Variants in KIRREL3 observed in about 807,000 individuals in gnomAD.
KIRREL3 encodes kin of IRRE-like protein 3.
In KIRREL3, 36 loss-of-function variants were observed where a neutral mutation model predicts 89.7. The ratio of observed to expected loss-of-function variants is 0.40; its 90% CI spans 0.31 to 0.53. The LOEUF is 0.53. Among genes scored for constraint, KIRREL3 ranks in the 20% least tolerant of loss-of-function variants. KIRREL3 has a pLI of 0.49. For synonymous variants in KIRREL3, 445 were observed against 441.4 expected, an observed-to-expected ratio of 1.01 and a Z score of -0.10; for missense variants, 864 against 1,056.6, an observed-to-expected ratio of 0.82 and a Z score of 2.53.
Position 126,587,187 on chromosome 11 carries a change from G to A in KIRREL3, c.56-24275C>T, listed in dbSNP as rs1443736998. 6.6e-6 allele frequency among the ~76,000 whole-genome samples: 1 copy of A among 152,072 alleles called. No individual in the cohort carries two copies. Among genetic ancestry groups the A allele is most frequent in the African/African-American group, 2.4e-5 (1 of 41,412 alleles). On this transcript the variant is annotated intron_variant, in intron 1 of 16. Transcript: ENST00000525144. This position sits in a 1 kb window ranked among gnomAD's most constrained non-coding sequence, Gnocchi z 5.2. ...TGGCAGTTCTTGGAAAATGTCCACT[G>A]GGGACATGACATCCAAGCTGAAACC...
rs1043709472 is a variant in KIRREL3, at chr11:126,985,482, T to C, written c.55+14973A>G. Among the ~76,000 whole-genome samples the C allele has an allele frequency of 9.9e-5, 15 of 151,990 alleles. No homozygotes were observed. The highest frequency in any genetic ancestry group is 3.4e-4 in the African/African-American group (14 of 41,366). On this transcript the variant is annotated intron_variant, in intron 1 of 16. Transcript: ENST00000525144. The surrounding 1 kb of genome is among the most constrained non-coding windows in gnomAD (Gnocchi z 5.3). ...GCTGTGGAATAAGGAAGGAAGGGCA[T>C]TTAAATTAGATTGTGGGGAGAGAGG... is the stretch of plus-strand genomic sequence containing the variant.
Position 126,476,468 on chromosome 11 carries a change from A to G in KIRREL3, c.434-3002T>C, listed in dbSNP as rs1184366761. Among the ~76,000 whole-genome samples, 2 of 152,212 alleles carry G rather than the reference A, an allele frequency of 1.3e-5. No individual in the cohort carries two copies. On this transcript the variant is annotated intron_variant, in intron 4 of 16. Coordinates refer to ENST00000525144, the MANE Select transcript of KIRREL3 (RefSeq NM_032531.4). The surrounding 1 kb of genome is among the most constrained non-coding windows in gnomAD (Gnocchi z 6.4). ...GTTACTGGAATATCGGATTAGAGGC[A>G]GCGAGGACGAGGGAGGAGGGAGTGG...
chr11:126,472,727 A>AGAGAGAGAGAGAG (rs1215109315), intron 5 of KIRREL3, among the ~76,000 whole-genome samples: 60 of 152,062 alleles, frequency 3.9e-4, no homozygotes, highest in African/African-American at 1.4e-3. Context: ...AGAGAGAGAG[A>AGAGAGAGAGAGAG]GAGAGCACAA....
rs1944070085 is a variant in KIRREL3, at chr11:126,844,438, G to T, written c.55+156017C>A. On this transcript the variant is annotated intron_variant, in intron 1 of 16. Coordinates refer to ENST00000525144, the MANE Select transcript of KIRREL3 (RefSeq NM_032531.4). The surrounding 1 kb of genome is among the most constrained non-coding windows in gnomAD (Gnocchi z 4.8). ...ATACTGAGGAGACCTCCAACCCAAA[G>T]GAAATAGACTGCAGCACTGATTGGC... is the stretch of plus-strand genomic sequence containing the variant. Among the ~76,000 whole-genome samples, 1 of 152,162 alleles carries T rather than the reference G, an allele frequency of 6.6e-6. No individual in the cohort carries two copies. The highest frequency in any genetic ancestry group is 1.5e-5 in the Non-Finnish European group (1 of 68,034).
Position 126,689,219 on chromosome 11 carries a change from GA to G in KIRREL3, c.56-126308del, listed in dbSNP as rs1272500482. Among the ~76,000 whole-genome samples, 1 of 152,194 alleles carries G rather than the reference GA, an allele frequency of 6.6e-6. No individual in the cohort carries two copies. Among genetic ancestry groups the G allele is most frequent in the Non-Finnish European group, 1.5e-5 (1 of 68,026 alleles). On this transcript the variant is annotated intron_variant, in intron 1 of 16. Coordinates refer to ENST00000525144, the MANE Select transcript of KIRREL3 (RefSeq NM_032531.4). This position sits in a 1 kb window ranked among gnomAD's most constrained non-coding sequence, Gnocchi z 5.2. Reference sequence around the variant, plus strand: ...TAGAAAGAATCCTGGAAATAGTTAAGAAAGACGATTTTCCAATGGCCAATAC... The same window carrying G: ...TAGAAAGAATCCTGGAAATAGTTAAGAAGACGATTTTCCAATGGCCAATAC...
At chr11:126,465,989 G>A (rs965334282) in intron 5 of KIRREL3, among the ~76,000 whole-genome samples, 12 of 152,168 alleles carry the variant, frequency 7.9e-5, no homozygotes, top group Non-Finnish European at 1.5e-4. Flanking sequence ...TTACATTTCC[G>A]TTGTGCTAAC....
In KIRREL3 at chr11:126,495,075, G is replaced by C. The variant is rs1314144522; in HGVS notation, c.434-21609C>G. On this transcript the variant is annotated intron_variant, in intron 4 of 16. Transcript: ENST00000525144. This position sits in a 1 kb window ranked among gnomAD's most constrained non-coding sequence, Gnocchi z 6.5. The stretch of plus-strand genomic sequence containing the variant: ...AATTCCAGTGGGCACTGAGCACTTA[G>C]CTGGCCCCTCTTAGGCCCTGACCTC... Among the ~76,000 whole-genome samples the C allele has an allele frequency of 6.6e-6, 1 of 152,184 alleles. No homozygotes were observed. The highest frequency in any genetic ancestry group is 1.5e-5 in the Non-Finnish European group (1 of 68,024).
At position 126,814,302 on chromosome 11, in the gene KIRREL3, T is replaced by C. The variant is rs183978384; in HGVS notation, c.55+186153A>G. On this transcript the variant is annotated intron_variant, in intron 1 of 16. Transcript: ENST00000525144. The surrounding 1 kb of genome is among the most constrained non-coding windows in gnomAD (Gnocchi z 4.4). ...GGTTATGGAGAAAAAGGAATGCTTTTACACTGTTGGTGGGAGTGTAAATTA... is the reference window on the plus strand; with the variant it reads ...GGTTATGGAGAAAAAGGAATGCTTTCACACTGTTGGTGGGAGTGTAAATTA... Among the ~76,000 whole-genome samples the C allele has an allele frequency of 3.0e-4, 45 of 152,298 alleles. No homozygotes were observed. In the East Asian group the frequency reaches 8.3e-3, roughly 28 times the overall value.
Position 126,924,890 on chromosome 11 carries a change from T to A in KIRREL3, c.55+75565A>T, listed in dbSNP as rs755328182. On this transcript the variant is annotated intron_variant, in intron 1 of 16. Coordinates refer to ENST00000525144, the MANE Select transcript of KIRREL3 (RefSeq NM_032531.4). This position sits in a 1 kb window ranked among gnomAD's most constrained non-coding sequence, Gnocchi z 4.7. ...TCTCCAACAGCATGAATATTCGGTG[T>A]GACTGTGGCTCTGTGTATGTGTGTG... Among the ~76,000 whole-genome samples, 2 of 151,786 alleles carry A rather than the reference T, an allele frequency of 1.3e-5. No individual in the cohort carries two copies. Among genetic ancestry groups the A allele is most frequent in the Non-Finnish European group, 2.9e-5 (2 of 67,978 alleles).
rs1341042500 is a variant in KIRREL3, at chr11:126,516,233, A to C, written c.433+5082T>G. Among the ~76,000 whole-genome samples the C allele has an allele frequency of 6.6e-6, 1 of 152,196 alleles. No individual in the cohort carries two copies. On this transcript the variant is annotated intron_variant, in intron 4 of 16. Coordinates refer to ENST00000525144, the MANE Select transcript of KIRREL3 (RefSeq NM_032531.4). The surrounding 1 kb of genome is among the most constrained non-coding windows in gnomAD (Gnocchi z 4.9). ...CCTCTTAAATAATTCATGTTGATTT[A>C]GGAAGCTTTATTTCTAACGGGAGCC...
chr11:126,533,215 C>T (rs371148640), intron 2 of KIRREL3, among the ~76,000 whole-genome samples: 16 of 152,304 alleles, frequency 1.1e-4, no homozygotes, highest in East Asian at 7.7e-4. Flanking sequence ...ATCACACCTA[C>T]GTGAAGATGA....
chr11:126,428,064 C>T lies in KIRREL3; in HGVS notation c.1806+1115G>A, dbSNP rs1463795088. Among the ~76,000 whole-genome samples, 1 of 152,218 alleles carries T rather than the reference C, an allele frequency of 6.6e-6. No homozygotes were observed. Among genetic ancestry groups the T allele is most frequent in the Non-Finnish European group, 1.5e-5 (1 of 68,042 alleles). On this transcript the variant is annotated intron_variant, in intron 15 of 16. Coordinates refer to ENST00000525144, the MANE Select transcript of KIRREL3 (RefSeq NM_032531.4). This position sits in a 1 kb window ranked among gnomAD's most constrained non-coding sequence, Gnocchi z 6.4. The stretch of plus-strand genomic sequence containing the variant: ...AAGGCTCCGAAGACCCCGGGATGAA[C>T]ACAGCAGCAGCTGCTCACCCTCTAG...
chr11:126,803,858 C>T (rs556948609), intron 1 of KIRREL3, among the ~76,000 whole-genome samples: 22 of 152,296 alleles, frequency 1.4e-4, no homozygotes, highest in African/African-American at 5.3e-4. Context: ...GATGCTACTG[C>T]CACACATACA....
chr11:126,804,877 C>A (rs552009556), intron 1 of KIRREL3, among the ~76,000 whole-genome samples: 1 of 152,138 alleles, frequency 6.6e-6, no homozygotes, highest in East Asian at 1.9e-4. Flanking sequence ...ACCACTGATA[C>A]AAAAAAGGTC....
chr11:126,566,574 G>A lies in KIRREL3; in HGVS notation c.56-3662C>T, dbSNP rs1339701886. Among the ~76,000 whole-genome samples the A allele has an allele frequency of 6.6e-6, 1 of 152,210 alleles. No homozygotes were observed. Among genetic ancestry groups the A allele is most frequent in the East Asian group, 1.9e-4 (1 of 5,192 alleles). ...CAATGGGTTTAGGTTAGCAGAGGTT[G>A]GTTGTAGAGTGAATGAAACTTGTAG... On this transcript the variant is annotated intron_variant, in intron 1 of 16. Coordinates refer to ENST00000525144, the MANE Select transcript of KIRREL3 (RefSeq NM_032531.4). This position sits in a 1 kb window ranked among gnomAD's most constrained non-coding sequence, Gnocchi z 4.9.
chr11:126,646,116 CA>C (rs1944656910), intron 1 of KIRREL3, among the ~76,000 whole-genome samples: 1 of 152,076 alleles, frequency 6.6e-6, no homozygotes, highest in Non-Finnish European at 1.5e-5. Flanking sequence ...TAACCCACCC[CA>C]CCCCCCAAAC....
chr11:126,526,722 G>A lies in KIRREL3; in HGVS notation c.134-35C>T, dbSNP rs962455304. On this transcript the variant is annotated intron_variant, in intron 2 of 16. Transcript: ENST00000525144. The surrounding 1 kb of genome is among the most constrained non-coding windows in gnomAD (Gnocchi z 5.7). ...AGACAAACACAATGGTCAGTTATCT[G>A]CCGGCTACAGGGGCGAGAAGGCTCC... 1 of 1,542,706 alleles carries A rather than the reference G, an allele frequency of 6.5e-7. No individual in the cohort carries two copies. The highest frequency in any genetic ancestry group is 8.8e-7 in the Non-Finnish European group (1 of 1,139,472).
chr11:126,647,413 C>T lies in KIRREL3; in HGVS notation c.56-84501G>A, dbSNP rs1231115581. Among the ~76,000 whole-genome samples the T allele has an allele frequency of 6.6e-6, 1 of 152,136 alleles. No individual in the cohort carries two copies. Among genetic ancestry groups the T allele is most frequent in the Non-Finnish European group, 1.5e-5 (1 of 68,016 alleles). ...GAGACTGAGATATATGAGGTATACC[C>T]CTTTCCCTCTAATCAAATTCAACCC... On this transcript the variant is annotated intron_variant, in intron 1 of 16. Transcript: ENST00000525144. This position sits in a 1 kb window ranked among gnomAD's most constrained non-coding sequence, Gnocchi z 4.9.
rs572043708 is a variant in KIRREL3, at chr11:126,513,449, C to T, written c.433+7866G>A. On this transcript the variant is annotated intron_variant, in intron 4 of 16. Transcript: ENST00000525144. This position sits in a 1 kb window ranked among gnomAD's most constrained non-coding sequence, Gnocchi z 5.9. ...TTCTCCTTCTTGGAGAGGCTCCTGC[C>T]TGCCCTTCTCCACACTCAGGCAGGG... Among the ~76,000 whole-genome samples the T allele has an allele frequency of 5.6e-4, 86 of 152,246 alleles. 1 individual carries two copies. In the Middle Eastern group the frequency reaches 0.024, roughly 42 times the overall value.
Sources: gnomAD v4.1 joint callset for allele counts (sites outside exome capture counted in the v4.1 genomes callset) on GRCh38, gnomAD v4.1.1 for gene constraint, Gnocchi (gnomAD v3.1) non-coding constraint, MANE v1.5 for transcripts, NCBI Gene and HGNC (gene_info 2026-07-23, HGNC 2026-07-21) for gene names.